ULK4: variants seen among roughly 807,000 people sequenced by gnomAD.
The protein encoded by ULK4 is unc-51 like kinase 4.
Under a neutral mutation model 160.6 loss-of-function variants are expected in ULK4, and 133 were observed. The observed-to-expected ratio is 0.83, with a 90% confidence interval of 0.72 to 0.96. The LOEUF is 0.96. ULK4 is among the 40% of genes least tolerant of loss of function. The pLI is 0.00. For synonymous variants in ULK4, 534 were observed against 539.8 expected (o/e 0.99, Z 0.15); for missense variants, 1,580 against 1,499.5 (o/e 1.05, Z -0.89).
At chr3:41,956,683 A>C (rs1039893251) in intron 1 of ULK4, among the ~76,000 whole-genome samples, 4 of 152,246 alleles carry the variant, frequency 2.6e-5, no homozygotes, top group African/African-American at 9.6e-5. Flanking sequence ...TTTCCATGTA[A>C]TCCCTAGACT....
At chr3:41,570,205 G>A (rs137878996) in intron 31 of ULK4, among the ~76,000 whole-genome samples, 70 of 152,306 alleles carry the variant, frequency 4.6e-4, no homozygotes, top group Admixed American at 1.4e-3. Flanking sequence ...CATGTATGCC[G>A]TTGTTTAACA....
chr3:41,597,160 C>G (rs916108274), intron 31 of ULK4, among the ~76,000 whole-genome samples: 1 of 152,114 alleles, frequency 6.6e-6, no homozygotes, highest in Admixed American at 6.5e-5. Context: ...GGGGTAGTCT[C>G]CCCACTCTGT....
chr3:41,250,803 T>C (rs2078729919), intron 35 of ULK4: 1 of 152,240 alleles, frequency 6.6e-6, no homozygotes, highest in South Asian at 2.1e-4. Flanking sequence ...AAGATTTGCA[T>C]CTCGGAAGAG....
intron 34 of ULK4, among the ~76,000 whole-genome samples, chr3:41,428,752 A>C (rs1471069997): frequency 1.3e-5 from 2 of 152,164 alleles, no homozygotes; most frequent in East Asian, 3.8e-4. Flanking sequence ...CTTCCTTACA[A>C]TATATACAAA....
At chr3:41,513,621 G>A (rs1401963793) in intron 32 of ULK4, among the ~76,000 whole-genome samples, 1 of 152,194 alleles carries the variant, frequency 6.6e-6, no homozygotes, top group Non-Finnish European at 1.5e-5. Context: ...AACAGAGCAA[G>A]AGTCCATCAA....
At chr3:41,248,398 G>A (rs752250898) in intron 36 of ULK4, among the ~76,000 whole-genome samples, 2 of 152,160 alleles carry the variant, frequency 1.3e-5, no homozygotes, top group Non-Finnish European at 2.9e-5. Flanking sequence ...TTGCAGGAAA[G>A]TCAGTCTCTC....
intron 35 of ULK4, among the ~76,000 whole-genome samples, chr3:41,273,397 G>T (rs1240229209): frequency 6.6e-6 from 1 of 152,174 alleles, no homozygotes; most frequent in Non-Finnish European, 1.5e-5. Flanking sequence ...GTACCAGCAT[G>T]GGGCATTGTT....
chr3:41,257,632 CAAA>C (rs11360973), intron 35 of ULK4, among the ~76,000 whole-genome samples: 4 of 127,806 alleles, frequency 3.1e-5, no homozygotes, highest in Non-Finnish European at 1.7e-5. Flanking sequence ...GACTATGTCT[CAAA>C]AAAAAAAAAA....
chr3:41,482,768 C>T (rs1229617962), intron 32 of ULK4, among the ~76,000 whole-genome samples: 2 of 152,160 alleles, frequency 1.3e-5, no homozygotes, highest in Non-Finnish European at 2.9e-5. Flanking sequence ...GGTTACCTTC[C>T]TCTCTCTGCA....
At chr3:41,415,878 A>T (rs2082515422) in intron 34 of ULK4, among the ~76,000 whole-genome samples, 1 of 152,226 alleles carries the variant, frequency 6.6e-6, no homozygotes, top group Non-Finnish European at 1.5e-5. Context: ...TAAGTGTGTC[A>T]GTGAAAAGAC....
chr3:41,380,339 C>T (rs1296922763), intron 35 of ULK4, among the ~76,000 whole-genome samples: 3 of 152,114 alleles, frequency 2.0e-5, no homozygotes, highest in Admixed American at 6.6e-5. Flanking sequence ...AATGTTATAA[C>T]GTGCCATTGT....
chr3:41,852,792 A>T (rs2042248705), intron 17 of ULK4, among the ~76,000 whole-genome samples: 3 of 152,162 alleles, frequency 2.0e-5, no homozygotes, highest in African/African-American at 7.2e-5. Flanking sequence ...TCCTGCCCAT[A>T]GTGTAGTATC....
chr3:41,680,478 G>T (rs904155488), intron 29 of ULK4, among the ~76,000 whole-genome samples: 4 of 152,050 alleles, frequency 2.6e-5, no homozygotes, highest in African/African-American at 9.7e-5. Context: ...CTTAGTAAAA[G>T]GTACCTTCCT....
chr3:41,825,489 C>T (rs1010967754), intron 18 of ULK4, among the ~76,000 whole-genome samples: 3 of 152,224 alleles, frequency 2.0e-5, no homozygotes, highest in Admixed American at 1.3e-4. Context: ...AGCTGAAAAC[C>T]ATGGCACAAG....
At chr3:41,909,817 CATT>C (rs1213829963) in intron 11 of ULK4, among the ~76,000 whole-genome samples, 1 of 152,094 alleles carries the variant, frequency 6.6e-6, no homozygotes, top group Non-Finnish European at 1.5e-5. Context: ...GGAATTTTAT[CATT>C]ATAACCACTA....
intron 21 of ULK4, among the ~76,000 whole-genome samples, chr3:41,772,793 C>T (rs943504650): frequency 6.6e-5 from 10 of 152,154 alleles, no homozygotes; most frequent in South Asian, 6.2e-4. Context: ...ACCAATATCC[C>T]TGATGAACAC....
chr3:41,439,651 A>G (rs1230021282), intron 34 of ULK4, among the ~76,000 whole-genome samples: 2 of 152,214 alleles, frequency 1.3e-5, no homozygotes, highest in Non-Finnish European at 2.9e-5. Flanking sequence ...AAGTCTTGAA[A>G]TCAGAGTATT....
rs761472308 is a variant in ULK4, at chr3:41,919,698, C to T, written c.643+19G>A. 3 of 1,594,090 alleles carry T rather than the reference C, an allele frequency of 1.9e-6. No homozygotes were observed. The highest frequency in any genetic ancestry group is 2.6e-6 in the Non-Finnish European group (3 of 1,162,226). ...TTTTAGTCCAGCTCTGATTTTATACCTATTCAGGAAACAATTACCTGAAAA... is the reference window on the plus strand; with the variant it reads ...TTTTAGTCCAGCTCTGATTTTATACTTATTCAGGAAACAATTACCTGAAAA... On this transcript the variant is annotated intron_variant, in intron 6 of 36. Transcript: ENST00000301831.
chr3:41,608,279 C>A (rs1445999374), intron 31 of ULK4, among the ~76,000 whole-genome samples: 2 of 151,800 alleles, frequency 1.3e-5, no homozygotes, highest in African/African-American at 2.4e-5. Flanking sequence ...CACATAAATT[C>A]TTCTTTTTCT....
Sources: allele counts gnomAD v4.1 joint callset (sites outside exome capture counted in the v4.1 genomes callset), GRCh38; gene constraint gnomAD v4.1.1; transcripts MANE v1.5; gene names NCBI Gene and HGNC (gene_info 2026-07-23, HGNC 2026-07-21).